The following KCNH1 variants were observed in gnomAD, a reference collection of about 807,000 sequenced individuals.
KCNH1 encodes voltage-gated delayed rectifier potassium channel KCNH1.
In KCNH1, 27 loss-of-function variants were observed where a neutral mutation model predicts 69.2. The ratio of observed to expected loss-of-function variants is 0.39; its 90% CI spans 0.29 to 0.54. The LOEUF is 0.54. Ranked by LOEUF, KCNH1 falls within the 20% of genes least tolerant of loss-of-function variation. KCNH1 has a pLI of 0.68. For synonymous variants in KCNH1, 456 were observed against 487.7 expected, an observed-to-expected ratio of 0.93 and a Z score of 0.86; for missense variants, 798 against 1,261.6, an observed-to-expected ratio of 0.63 and a Z score of 5.57.
chr1:210,797,748 A>T lies in KCNH1; in HGVS notation c.1675T>A (p.Cys559Ser), dbSNP rs1190947098. ...GIDTEKVLQI[C>S]PKDMRADICV... is the part of the protein sequence containing the mutation. ...ATGTCGGCTCTCATGTCCTTGGGGC[A>T]GATCTGCAGGACCTAGCCAGGTACA... The change falls in exon 9 of 11, where the codon TGC (cysteine) becomes AGC (serine). Residue 559 changes from cysteine to serine, a missense_variant. Transcript: ENST00000271751. 6.2e-7 allele frequency: 1 copy of T among 1,612,692 alleles called. No individual in the cohort carries two copies. Among genetic ancestry groups the T allele is most frequent in the Admixed American group, 1.7e-5 (1 of 59,992 alleles).
intron 6 of KCNH1, among the ~76,000 whole-genome samples, chr1:210,945,032 C>T (rs1175160672): frequency 6.6e-6 from 1 of 152,170 alleles, no homozygotes; most frequent in East Asian, 1.9e-4. Context: ...TTGTGTCTGG[C>T]TTCTTTCATT....
intron 10 of KCNH1, among the ~76,000 whole-genome samples, chr1:210,688,977 C>T (rs1681470602): frequency 6.6e-6 from 1 of 152,176 alleles, no homozygotes; most frequent in Non-Finnish European, 1.5e-5. Context: ...CCCACAGGGG[C>T]ATATATTTTT....
At chr1:210,917,333 G>C (rs371302131) in intron 7 of KCNH1, among the ~76,000 whole-genome samples, 36 of 151,780 alleles carry the variant, frequency 2.4e-4, no homozygotes, top group African/African-American at 7.7e-4. Flanking sequence ...GGGAGACAGA[G>C]ACACAGAGAG....
intron 5 of KCNH1, among the ~76,000 whole-genome samples, chr1:211,080,817 C>T (rs1287191661): frequency 6.6e-6 from 1 of 152,168 alleles, no homozygotes; most frequent in Admixed American, 6.5e-5. Context: ...AACATTAATT[C>T]AAGATGGATT....
intron 6 of KCNH1, among the ~76,000 whole-genome samples, chr1:210,931,584 G>A (rs542871169): frequency 2.6e-5 from 4 of 152,062 alleles, no homozygotes; most frequent in East Asian, 1.9e-4. Context: ...CTGGTGATGG[G>A]TGCATCAAAA....
intron 10 of KCNH1, among the ~76,000 whole-genome samples, chr1:210,705,417 T>A (rs997986559): frequency 6.6e-5 from 10 of 151,946 alleles, no homozygotes; most frequent in African/African-American, 2.2e-4. Flanking sequence ...TCCAGAGAGG[T>A]GTAATTTTAG....
intron 6 of KCNH1, among the ~76,000 whole-genome samples, chr1:210,964,324 T>G (rs1265358880): frequency 6.6e-6 from 1 of 152,130 alleles, no homozygotes; most frequent in Non-Finnish European, 1.5e-5. Context: ...TATCAGCCAC[T>G]GCAAAATCAT....
intron 5 of KCNH1, among the ~76,000 whole-genome samples, chr1:211,059,993 AG>A (rs1423607983): frequency 6.6e-6 from 1 of 152,206 alleles, no homozygotes; most frequent in East Asian, 1.9e-4. Context: ...CCACAAATCA[AG>A]TCTTAAAATG....
intron 10 of KCNH1, among the ~76,000 whole-genome samples, chr1:210,687,836 G>A (rs887670508): frequency 2.0e-5 from 3 of 152,186 alleles, no homozygotes; most frequent in Non-Finnish European, 4.4e-5. Flanking sequence ...ACCAGCCACA[G>A]CAGCTCTCCG....
At chr1:211,002,966 C>A (rs1048091509) in intron 6 of KCNH1, among the ~76,000 whole-genome samples, 1 of 152,180 alleles carries the variant, frequency 6.6e-6, no homozygotes, top group Admixed American at 6.5e-5. Context: ...AGCCCTCCCA[C>A]TACACCAGGG....
chr1:210,826,913 C>T (rs1685042841), intron 7 of KCNH1, among the ~76,000 whole-genome samples: 1 of 152,210 alleles, frequency 6.6e-6, no homozygotes, highest in Admixed American at 6.5e-5. Context: ...CCAGTGCCTG[C>T]GGAGTTGGCA....
At chr1:210,897,803 G>A (rs1424194610) in intron 7 of KCNH1, among the ~76,000 whole-genome samples, 1 of 152,168 alleles carries the variant, frequency 6.6e-6, no homozygotes, top group East Asian at 1.9e-4. Context: ...TGCCATCTGG[G>A]GCACTTTTAA....
chr1:210,723,267 T>C (rs1056994416), intron 10 of KCNH1, among the ~76,000 whole-genome samples: 16 of 152,056 alleles, frequency 1.1e-4, no homozygotes, highest in African/African-American at 3.6e-4. Context: ...TAGAGTAAAA[T>C]TGGGCTTCTC....
intron 8 of KCNH1, 129 bp from the exon 9 acceptor site, chr1:210,797,889 G>C (rs865913850): frequency 2.1e-6 from 2 of 954,272 alleles, no homozygotes; most frequent in African/African-American, 3.3e-5. Context: ...AAGTCCCTGC[G>C]CTTATGGAGC....
At chr1:210,980,626 A>C (rs945038676) in intron 6 of KCNH1, among the ~76,000 whole-genome samples, 1 of 152,234 alleles carries the variant, frequency 6.6e-6, no homozygotes, top group Non-Finnish European at 1.5e-5. Flanking sequence ...AATCATTTGC[A>C]CTGCATTATA....
At chr1:210,757,996 T>G (rs1433283112) in intron 10 of KCNH1, among the ~76,000 whole-genome samples, 2 of 152,204 alleles carry the variant, frequency 1.3e-5, no homozygotes, top group African/African-American at 4.8e-5. Context: ...ACCCATCAGC[T>G]AGGGAAGCTC....
intron 10 of KCNH1, among the ~76,000 whole-genome samples, chr1:210,773,385 T>C (rs1471745228): frequency 6.6e-6 from 1 of 152,228 alleles, no homozygotes; most frequent in African/African-American, 2.4e-5. Flanking sequence ...TCCTCAAATA[T>C]TTATTAATTC....
intron 7 of KCNH1, among the ~76,000 whole-genome samples, chr1:210,854,815 G>A (rs1367444505): frequency 6.6e-6 from 1 of 152,194 alleles, no homozygotes; most frequent in Non-Finnish European, 1.5e-5. Flanking sequence ...CAAGAACACA[G>A]ATTTAGCCAG....
At chr1:210,718,286 A>G (rs1682315555) in intron 10 of KCNH1, among the ~76,000 whole-genome samples, 1 of 83,112 alleles carries the variant, frequency 1.2e-5, no homozygotes, top group African/African-American at 3.3e-5. Context: ...ATATAAAAAT[A>G]TGTGTATATA....
Sources: gnomAD v4.1 joint callset for allele counts (sites outside exome capture counted in the v4.1 genomes callset) on GRCh38, gnomAD v4.1.1 for gene constraint, MANE v1.5 for transcripts, NCBI Gene and HGNC (gene_info 2026-07-23, HGNC 2026-07-21) for gene names.